The following MNAT1 variants were observed in gnomAD, a reference collection of about 807,000 sequenced individuals.
The protein encoded by MNAT1 is CDK-activating kinase assembly factor MAT1.
In MNAT1, 43 loss-of-function variants were observed where a neutral mutation model predicts 42.0. The ratio of observed to expected loss-of-function variants is 1.02; its 90% CI spans 0.80 to 1.32. The LOEUF is 1.32. Ranked by LOEUF, MNAT1 falls within the 40% of genes most tolerant of loss-of-function variation. MNAT1 has a pLI of 0.00. For missense variants in MNAT1, 306 were observed against 350.4 expected, an observed-to-expected ratio of 0.87 and a Z score of 1.01; for synonymous variants, 118 against 120.0, an observed-to-expected ratio of 0.98 and a Z score of 0.11.
At chr14:60,885,050 A>G (rs1421640268) in intron 7 of MNAT1, among the ~76,000 whole-genome samples, 2 of 151,876 alleles carry the variant, frequency 1.3e-5, no homozygotes, top group African/African-American at 2.4e-5. Context: ...GTTCGCTGCC[A>G]GACATATTGG....
chr14:60,884,044 T>C (rs1335568470), intron 7 of MNAT1, among the ~76,000 whole-genome samples: 1 of 150,104 alleles, frequency 6.7e-6, no homozygotes, highest in Non-Finnish European at 1.5e-5. Context: ...CTTTCTGCTT[T>C]GGATGTCCTT....
intron 3 of MNAT1, among the ~76,000 whole-genome samples, chr14:60,802,931 C>CTTT (rs562133472): frequency 1.2e-4 from 16 of 133,314 alleles, no homozygotes; most frequent in African/African-American, 1.9e-4. Flanking sequence ...ATAAATAAAA[C>CTTT]TTTTTTTTTT....
chr14:60,871,739 CA>C (rs1398680304), intron 6 of MNAT1, among the ~76,000 whole-genome samples: 8 of 152,068 alleles, frequency 5.3e-5, no homozygotes, highest in African/African-American at 1.7e-4. Context: ...TCTCCTGCCT[CA>C]GCCTCCCGAG....
At chr14:60,931,240 A>C (rs990147713) in intron 7 of MNAT1, among the ~76,000 whole-genome samples, 23 of 152,158 alleles carry the variant, frequency 1.5e-4, no homozygotes, top group African/African-American at 5.5e-4. Flanking sequence ...GATGACTTTC[A>C]TAGGGTTCAG....
At chr14:60,937,679 G>C (rs61990962) in intron 7 of MNAT1, among the ~76,000 whole-genome samples, 30,600 of 151,888 alleles carry the variant, frequency 0.2, 3,831 homozygotes, top group Middle Eastern at 0.3. Flanking sequence ...CTCCAGCTTT[G>C]TTCTTTTGGC....
At chr14:60,852,013 C>T (rs927433782) in intron 6 of MNAT1, among the ~76,000 whole-genome samples, 10 of 152,086 alleles carry the variant, frequency 6.6e-5, no homozygotes, top group African/African-American at 1.9e-4. Context: ...AATAAACATA[C>T]GTGTGCATGT....
At chr14:60,903,983 T>C (rs1290734890) in intron 7 of MNAT1, among the ~76,000 whole-genome samples, 2 of 150,578 alleles carry the variant, frequency 1.3e-5, no homozygotes, top group African/African-American at 4.9e-5. Context: ...GCAATTCTCC[T>C]GCCTCAGCCT....
chr14:60,757,181 A>G (rs1187034709), intron 1 of MNAT1, among the ~76,000 whole-genome samples: 1 of 152,206 alleles, frequency 6.6e-6, no homozygotes, highest in Non-Finnish European at 1.5e-5. Flanking sequence ...CTAACGGTGT[A>G]TGGAGTAATT....
intron 6 of MNAT1, among the ~76,000 whole-genome samples, chr14:60,831,792 C>T: frequency 6.6e-6 from 1 of 152,192 alleles, no homozygotes; most frequent in Non-Finnish European, 1.5e-5. Flanking sequence ...ACACTCCCAC[C>T]AACAGTGTAA....
chr14:60,889,233 C>T (rs1357345920), intron 7 of MNAT1, among the ~76,000 whole-genome samples: 6 of 152,230 alleles, frequency 3.9e-5, no homozygotes, highest in South Asian at 4.1e-4. Flanking sequence ...AACGGCATGG[C>T]ACTGGTACCA....
intron 4 of MNAT1, among the ~76,000 whole-genome samples, chr14:60,809,974 C>T (rs993481677): frequency 2.0e-5 from 3 of 151,942 alleles, no homozygotes; most frequent in South Asian, 4.2e-4. Flanking sequence ...TCACCACTGC[C>T]GCTTTTTCTC....
chr14:60,798,484 T>C (rs1429370403), intron 3 of MNAT1, among the ~76,000 whole-genome samples: 2 of 152,172 alleles, frequency 1.3e-5, no homozygotes, highest in Non-Finnish European at 2.9e-5. Context: ...GGAAAACATA[T>C]TCTGATTTTT....
chr14:60,941,001 A>C (rs548832518), intron 7 of MNAT1, among the ~76,000 whole-genome samples: 2 of 152,204 alleles, frequency 1.3e-5, no homozygotes, highest in African/African-American at 4.8e-5. Context: ...TAGTGTTAAT[A>C]TTTGAATTAT....
At chr14:60,926,550 T>C (rs778149189) in intron 7 of MNAT1, among the ~76,000 whole-genome samples, 2 of 152,174 alleles carry the variant, frequency 1.3e-5, no homozygotes, top group Non-Finnish European at 2.9e-5. Context: ...CTTATGTTTA[T>C]CCAACTATTA....
chr14:60,967,822 T>G (rs2036709795), intron 7 of MNAT1, among the ~76,000 whole-genome samples: 1 of 152,200 alleles, frequency 6.6e-6, no homozygotes, highest in Non-Finnish European at 1.5e-5. Context: ...TAAAACAAAT[T>G]TATGTAGAAA....
Position 60,780,146 on chromosome 14 carries a change from A to G in MNAT1, c.90-16071A>G. 4.0e-6 allele frequency: 6 copies of G among 1,512,676 alleles called. No homozygotes were observed. In the South Asian group the frequency reaches 6.7e-5, roughly 17 times the overall value. The allele number at this position is 1,512,676 out of a possible 1,614,324, so 93.7% of individuals were successfully genotyped here. On this transcript the variant is annotated intron_variant, in intron 1 of 7. Transcript: ENST00000261245. ...ATACGGACTCACCTTGCTTGTAACTACTGATCTTGAGCTCATAAAATACCT... is the reference window on the plus strand; with the variant it reads ...ATACGGACTCACCTTGCTTGTAACTGCTGATCTTGAGCTCATAAAATACCT...
rs532991584 is a variant in MNAT1 at position 60,966,739 on chromosome 14, T to A, written c.810-1490T>A. ...ATATTGGCCAGGCTGGTCTTGAACT[T>A]CTGACTTCAGATGATCCGCCCACCT... On this transcript the variant is annotated intron_variant, in intron 7 of 7. Coordinates refer to ENST00000261245, the MANE Select transcript of MNAT1 (RefSeq NM_002431.4). Among the ~76,000 whole-genome samples the A allele has an allele frequency of 1.2e-3, 177 of 152,294 alleles. 1 individual carries two copies. Among genetic ancestry groups the A allele is most frequent in the African/African-American group, 4.1e-3 (171 of 41,580 alleles).
intron 7 of MNAT1, among the ~76,000 whole-genome samples, chr14:60,954,283 A>T (rs371505609): frequency 9.2e-5 from 14 of 152,268 alleles, no homozygotes; most frequent in Admixed American, 5.2e-4. Context: ...GAATTCAGTG[A>T]TGGAATCATT....
chr14:60,776,574 G>T (rs140534956), intron 1 of MNAT1, among the ~76,000 whole-genome samples: 90 of 152,230 alleles, frequency 5.9e-4, no homozygotes, highest in Admixed American at 1.2e-3. Flanking sequence ...CTGTCCTGGG[G>T]GGGGAGGAGC....
Sources: allele counts gnomAD v4.1 joint callset (sites outside exome capture counted in the v4.1 genomes callset), GRCh38; gene constraint gnomAD v4.1.1; transcripts MANE v1.5; gene names NCBI Gene and HGNC (gene_info 2026-07-23, HGNC 2026-07-21).